The following GAB1 variants were observed in gnomAD, a reference collection of about 807,000 sequenced individuals.
The protein encoded by GAB1 is GRB2-associated-binding protein 1.
In GAB1, 19 loss-of-function variants were observed where a neutral mutation model predicts 66.5. The observed-to-expected ratio is 0.29, with a 90% CI of 0.20 to 0.42. The LOEUF is 0.42. GAB1 is among the 10% of genes least tolerant of loss of function. The pLI is 1.00. For synonymous variants in GAB1, 294 were observed against 301.4 expected, an observed-to-expected ratio of 0.98 and a Z score of 0.25; for missense variants, 732 against 858.5, an observed-to-expected ratio of 0.85 and a Z score of 1.84.
At chr4:143,450,757 G>A (rs1045599507) in intron 6 of GAB1, among the ~76,000 whole-genome samples, 1 of 152,082 alleles carries the variant, frequency 6.6e-6, no homozygotes, top group African/African-American at 2.4e-5. Context: ...CAGGCGTGGT[G>A]GCGCATGCCT....
chr4:143,457,788 CATGCTGT>C (rs780695063), intron 6 of GAB1: 1 of 1,250,544 alleles, frequency 8.0e-7, no homozygotes, highest in Non-Finnish European at 1.1e-6. Context: ...TTTAGCACCG[CATGCTGT>C]ATGGGGCATT....
chr4:143,387,815 C>T (rs1318899309), intron 1 of GAB1, among the ~76,000 whole-genome samples: 1 of 152,154 alleles, frequency 6.6e-6, no homozygotes, highest in African/African-American at 2.4e-5. Context: ...TAAGGTCCTC[C>T]CGCTCCTTGA....
intron 1 of GAB1, among the ~76,000 whole-genome samples, chr4:143,351,612 T>G (rs1039675420): frequency 2.0e-5 from 3 of 152,126 alleles, no homozygotes; most frequent in African/African-American, 7.2e-5. Context: ...TGGGGATGGA[T>G]CCCTAGTCAG....
intron 1 of GAB1, among the ~76,000 whole-genome samples, chr4:143,358,474 A>C (rs1729534020): frequency 6.6e-6 from 1 of 152,194 alleles, no homozygotes; most frequent in African/African-American, 2.4e-5. Flanking sequence ...TATTTGACAC[A>C]ATAGGAATAC....
At chr4:143,422,223 A>G (rs1733069601) in intron 2 of GAB1, among the ~76,000 whole-genome samples, 1 of 152,186 alleles carries the variant, frequency 6.6e-6, no homozygotes, top group African/African-American at 2.4e-5. Context: ...CTCTTTACAG[A>G]AAGAAAAATT....
At chr4:143,426,549 A>G (rs1262940077) in intron 2 of GAB1, among the ~76,000 whole-genome samples, 2 of 152,202 alleles carry the variant, frequency 1.3e-5, no homozygotes, top group Non-Finnish European at 2.9e-5. Context: ...CTCAAAAAAT[A>G]AAAATAAATA....
rs897889878 is a variant in GAB1 at position 143,469,430 on chromosome 4, G to A, written c.*241G>A. ...TTGTTTAGCTCCCAGAGAAACATTT[G>A]TTCCACAGTTAACACACTCGTAGTA... On this transcript the variant is annotated 3_prime_UTR_variant, in exon 10 of 10. Transcript: ENST00000262994. 8 of 442,782 alleles carry A rather than the reference G, an allele frequency of 1.8e-5. No individual in the cohort carries two copies. The highest frequency in any genetic ancestry group is 1.4e-4 in the African/African-American group (7 of 51,402). 27.4% of individuals were successfully genotyped at this position (442,782 alleles called of 1,614,324 possible). A position where few individuals can be genotyped will look rare whatever the true frequency, so the allele number is the denominator to read the frequency against.
At chr4:143,388,127 G>A (rs2149683485) in intron 1 of GAB1, among the ~76,000 whole-genome samples, 1 of 152,096 alleles carries the variant, frequency 6.6e-6, no homozygotes, top group East Asian at 1.9e-4. Context: ...CTTTTTGAAT[G>A]CTCCCTTTTT....
chr4:143,346,270 C>G (rs1728990019), intron 1 of GAB1, among the ~76,000 whole-genome samples: 1 of 152,180 alleles, frequency 6.6e-6, no homozygotes, highest in East Asian at 1.9e-4. Context: ...TAATAATGTT[C>G]CAACTAGCAT....
intron 1 of GAB1, among the ~76,000 whole-genome samples, chr4:143,388,716 A>G (rs1312094091): frequency 6.6e-6 from 1 of 152,184 alleles, no homozygotes; most frequent in African/African-American, 2.4e-5. Flanking sequence ...CGCCCGGCCT[A>G]GAGTTCTAAT....
intron 3 of GAB1, among the ~76,000 whole-genome samples, chr4:143,435,255 T>C (rs896961400): frequency 5.3e-5 from 8 of 152,174 alleles, no homozygotes; most frequent in African/African-American, 1.7e-4. Flanking sequence ...TTTCTATGTA[T>C]TTGTTGTAAT....
chr4:143,366,638 T>C (rs1483699373), intron 1 of GAB1, among the ~76,000 whole-genome samples: 1 of 152,154 alleles, frequency 6.6e-6, no homozygotes, highest in Non-Finnish European at 1.5e-5. Context: ...TATACATACA[T>C]ACATACGCAG....
intron 1 of GAB1, among the ~76,000 whole-genome samples, chr4:143,405,202 C>T (rs1731979637): frequency 6.6e-6 from 1 of 152,176 alleles, no homozygotes; most frequent in African/African-American, 2.4e-5. Context: ...TCATTACACA[C>T]ACACATACAC....
chr4:143,394,904 C>G (rs1051732605), intron 1 of GAB1: 2 of 152,074 alleles, frequency 1.3e-5, no homozygotes, highest in African/African-American at 4.8e-5. Context: ...CAAGTAATGG[C>G]TTTGCATGAA....
At chr4:143,417,494 G>A (rs1041882278) in intron 2 of GAB1, 38 of 363,196 alleles carry the variant, frequency 1.0e-4, no homozygotes, top group African/African-American at 7.4e-4. Flanking sequence ...TGCAACCTCT[G>A]CCTCCCAGGT....
chr4:143,381,727 T>C (rs1326477549), intron 1 of GAB1, among the ~76,000 whole-genome samples: 3 of 152,202 alleles, frequency 2.0e-5, no homozygotes, highest in Non-Finnish European at 1.5e-5. Context: ...GGAATGACTA[T>C]AGGCATTATA....
chr4:143,393,230 TAA>T (rs35271599), intron 1 of GAB1, among the ~76,000 whole-genome samples: 11 of 133,664 alleles, frequency 8.2e-5, no homozygotes, highest in African/African-American at 3.0e-4. Flanking sequence ...TTTTTTTTTT[TAA>T]AAAAAAAAAA....
At chr4:143,453,758 A>G (rs1257936052) in intron 6 of GAB1, among the ~76,000 whole-genome samples, 2 of 152,160 alleles carry the variant, frequency 1.3e-5, no homozygotes, top group South Asian at 2.1e-4. Flanking sequence ...CCCTCTCTCT[A>G]GATTCACAGA....
chr4:143,344,853 G>T (rs62337512), intron 1 of GAB1, among the ~76,000 whole-genome samples: 7,542 of 152,228 alleles, frequency 0.05, 212 homozygotes, highest in African/African-American at 0.075. Context: ...TTAAAAGGTC[G>T]CATTACTGAA....
Sources: gnomAD v4.1 joint callset for allele counts (sites outside exome capture counted in the v4.1 genomes callset) on GRCh38, gnomAD v4.1.1 for gene constraint, MANE v1.5 for transcripts, NCBI Gene and HGNC (gene_info 2026-07-23, HGNC 2026-07-21) for gene names.